TENM3: variants seen among roughly 807,000 people sequenced by gnomAD.
TENM3 encodes the protein teneurin transmembrane protein 3.
TENM3 carries 63 observed loss-of-function variants against 255.1 expected under a neutral mutation model. That is an observed-to-expected ratio of 0.25 (90% CI 0.20 to 0.30). The LOEUF is 0.30. Ranked by LOEUF, TENM3 falls within the 10% of genes least tolerant of loss-of-function variation. TENM3 has a pLI of 1.00. For synonymous variants in TENM3, 1,306 were observed against 1,322.3 expected (o/e 0.99, Z 0.27); for missense variants, 2,929 against 3,461.1 (o/e 0.85, Z 3.86).
intron 3 of TENM3, among the ~76,000 whole-genome samples, chr4:182,462,014 C>A (rs891163639): frequency 1.2e-4 from 18 of 151,774 alleles, no homozygotes; most frequent in Admixed American, 1.2e-3. Context: ...ACTCTTCTTG[C>A]AAGTGATTGC....
At chr4:182,035,197 G>C in the TENM3 span, among the ~76,000 whole-genome samples, 1 of 152,122 alleles carries the variant, frequency 6.6e-6, no homozygotes, top group East Asian at 1.9e-4. Flanking sequence ...AGTTTGATTT[G>C]TTATTTAAAT....
intron 2 of TENM3, among the ~76,000 whole-genome samples, chr4:182,324,743 G>A (rs1023729089): frequency 6.6e-6 from 1 of 152,220 alleles, no homozygotes; most frequent in African/African-American, 2.4e-5. Context: ...GCCTCTGTCT[G>A]ATTCACACAA....
the TENM3 span, among the ~76,000 whole-genome samples, chr4:182,074,318 T>C: frequency 6.6e-6 from 1 of 152,154 alleles, no homozygotes; most frequent in Non-Finnish European, 1.5e-5. Flanking sequence ...GGCAGGGTAG[T>C]GGGAGGCACC....
the TENM3 span, among the ~76,000 whole-genome samples, chr4:181,879,686 C>G: frequency 6.6e-6 from 1 of 152,102 alleles, no homozygotes; most frequent in African/African-American, 2.4e-5. Flanking sequence ...TCTTGTATCC[C>G]TCTAACTCAT....
At chr4:181,601,240 G>C in the TENM3 span, among the ~76,000 whole-genome samples, 1 of 152,272 alleles carries the variant, frequency 6.6e-6, no homozygotes, top group African/African-American at 2.4e-5. Flanking sequence ...GGTATTGGCA[G>C]GGCTGTACTC....
chr4:182,719,342 A>G lies in TENM3; in HGVS notation c.2368+5109A>G, dbSNP rs373459814. Among the ~76,000 whole-genome samples the G allele has an allele frequency of 1.2e-4, 15 of 127,722 alleles. No individual in the cohort carries two copies. The East Asian group carries it at 2.3e-3, about 20-fold the overall frequency. The allele number at this position is 127,722 out of a possible 152,430, so 83.8% of individuals were successfully genotyped here. A position where few individuals can be genotyped will look rare whatever the true frequency, so the allele number is the denominator to read the frequency against. ...AATGGCGTGGTCTCGGCTCACTGCA[A>G]CCTCCGCCTGCCGGGTTCAAGGGAT... On this transcript the variant is annotated intron_variant, in intron 13 of 27. Transcript: ENST00000511685.
the TENM3 span, among the ~76,000 whole-genome samples, chr4:182,108,303 C>T: frequency 5.5e-4 from 83 of 152,254 alleles, no homozygotes; most frequent in African/African-American, 1.8e-3. Flanking sequence ...ACATTTAGGG[C>T]TTTAACGTGT....
intron 3 of TENM3, among the ~76,000 whole-genome samples, chr4:182,391,640 C>T (rs948843407): frequency 6.6e-6 from 1 of 152,124 alleles, no homozygotes; most frequent in Non-Finnish European, 1.5e-5. Flanking sequence ...TTATGCAGCT[C>T]GTAGCATCTT....
intron 3 of TENM3, among the ~76,000 whole-genome samples, chr4:182,568,551 C>T (rs550613801): frequency 6.6e-6 from 1 of 152,124 alleles, no homozygotes; most frequent in Non-Finnish European, 1.5e-5. Context: ...TCATACTTTG[C>T]TGATAAGGAT....
At chr4:181,907,287 A>G in the TENM3 span, among the ~76,000 whole-genome samples, 2 of 152,162 alleles carry the variant, frequency 1.3e-5, no homozygotes, top group South Asian at 2.1e-4. Flanking sequence ...GGCAAGTTGG[A>G]GTGTATGGGC....
the TENM3 span, among the ~76,000 whole-genome samples, chr4:181,905,411 A>C: frequency 1.3e-5 from 2 of 152,164 alleles, no homozygotes; most frequent in East Asian, 3.9e-4. Flanking sequence ...GCTGCTGGGC[A>C]AATCTAACCT....
At chr4:182,788,364 G>A (rs114541180) in intron 24 of TENM3, among the ~76,000 whole-genome samples, 2,817 of 152,274 alleles carry the variant, frequency 0.018, 80 homozygotes, top group African/African-American at 0.064. Context: ...GATGGCAGAC[G>A]GTAACAGCCA....
chr4:182,254,861 A>C (rs1758273021), intron 1 of TENM3, among the ~76,000 whole-genome samples: 1 of 152,190 alleles, frequency 6.6e-6, no homozygotes. Context: ...TGATGGAATA[A>C]GAGCTAGGCT....
At chr4:181,637,334 G>A in the TENM3 span, among the ~76,000 whole-genome samples, 12 of 152,168 alleles carry the variant, frequency 7.9e-5, no homozygotes, top group Admixed American at 2.0e-4. Flanking sequence ...AACAAAACAC[G>A]TCTTTTGGCT....
At chr4:182,747,515 T>C (rs1456837355) in intron 19 of TENM3, among the ~76,000 whole-genome samples, 4 of 152,214 alleles carry the variant, frequency 2.6e-5, no homozygotes, top group African/African-American at 9.6e-5. Context: ...AACATTTCCT[T>C]CTCTGATGTT....
At chr4:182,127,610 T>G in the TENM3 span, among the ~76,000 whole-genome samples, 1 of 152,226 alleles carries the variant, frequency 6.6e-6, no homozygotes, top group African/African-American at 2.4e-5. Context: ...ATTGTGGATT[T>G]ACTCCATTAA....
At chr4:181,825,425 A>AC in the TENM3 span, among the ~76,000 whole-genome samples, 21,257 of 110,156 alleles carry the variant, frequency 0.19, 4,071 homozygotes, top group Non-Finnish European at 0.29. Flanking sequence ...AAAAAAAAAA[A>AC]ACAGAGAATA....
intron 3 of TENM3, among the ~76,000 whole-genome samples, chr4:182,385,519 C>G (rs1182223069): frequency 6.6e-6 from 1 of 152,134 alleles, no homozygotes; most frequent in Non-Finnish European, 1.5e-5. Flanking sequence ...CCTGCCTCGG[C>G]CTCCCAAAGT....
At chr4:181,890,288 T>C in the TENM3 span, among the ~76,000 whole-genome samples, 1 of 152,296 alleles carries the variant, frequency 6.6e-6, no homozygotes, top group South Asian at 2.1e-4. Context: ...GGGTGCATGC[T>C]GGGGTTGATT....
Sources: allele counts gnomAD v4.1 joint callset (sites outside exome capture counted in the v4.1 genomes callset), GRCh38; gene constraint gnomAD v4.1.1; transcripts MANE v1.5; gene names NCBI Gene and HGNC (gene_info 2026-07-23, HGNC 2026-07-21).